Variants in PELI1 observed in about 807,000 individuals in gnomAD.
The protein encoded by PELI1 is pellino E3 ubiquitin protein ligase 1.
A neutral mutation model predicts 41.3 loss-of-function variants in PELI1; 15 were observed. The ratio of observed to expected loss-of-function variants is 0.36; its 90% CI spans 0.24 to 0.56. PELI1 has a LOEUF of 0.56. PELI1 is among the 20% of genes least tolerant of loss of function. PELI1 has a pLI of 0.82. For missense variants in PELI1, 403 were observed against 525.5 expected, an observed-to-expected ratio of 0.77 and a Z score of 2.28; for synonymous variants, 178 against 180.1, an observed-to-expected ratio of 0.99 and a Z score of 0.09.
At chr2:64,120,223 T>G (rs1001787322) in intron 1 of PELI1, among the ~76,000 whole-genome samples, 3 of 152,238 alleles carry the variant, frequency 2.0e-5, no homozygotes, top group Non-Finnish European at 4.4e-5. Context: ...TGTTCTCAGA[T>G]TATCCCACTT....
chr2:64,101,810 C>T (rs1680443037), intron 3 of PELI1, among the ~76,000 whole-genome samples: 1 of 149,856 alleles, frequency 6.7e-6, no homozygotes, highest in Admixed American at 6.8e-5. Context: ...TTAATACTGC[C>T]ACTTTTGCTT....
At chr2:64,110,009 C>T (rs892969121) in intron 1 of PELI1, among the ~76,000 whole-genome samples, 2 of 152,046 alleles carry the variant, frequency 1.3e-5, no homozygotes, top group African/African-American at 2.4e-5. Flanking sequence ...CTTTGGGAAG[C>T]GGAGGCGGGA....
At chr2:64,110,247 G>GAAAAAAAAAAA (rs796716135) in intron 1 of PELI1, among the ~76,000 whole-genome samples, 2 of 100,796 alleles carry the variant, frequency 2.0e-5, no homozygotes, top group Non-Finnish European at 4.2e-5. Context: ...TCCGTCTCAA[G>GAAAAAAAAAAA]AAAAAAAAAA....
chr2:64,110,135 T>G (rs1344189606), intron 1 of PELI1, among the ~76,000 whole-genome samples: 1 of 151,418 alleles, frequency 6.6e-6, no homozygotes, highest in Admixed American at 6.6e-5. Flanking sequence ...TCCTAGCTAC[T>G]TGGGAGGCTA....
chr2:64,117,752 CAA>C (rs1400954313), intron 1 of PELI1, among the ~76,000 whole-genome samples: 4 of 151,946 alleles, frequency 2.6e-5, no homozygotes, highest in African/African-American at 7.2e-5. Flanking sequence ...CTTTGGGTCA[CAA>C]AAAGTTTTCA....
intron 1 of PELI1, among the ~76,000 whole-genome samples, chr2:64,129,600 ATTTC>A (rs913341929): frequency 6.6e-6 from 1 of 152,062 alleles, no homozygotes; most frequent in Non-Finnish European, 1.5e-5. Flanking sequence ...GAGATATATT[ATTTC>A]TTTTTTTGTG....
Position 64,094,776 on chromosome 2 carries a change from AG to A in PELI1, c.1182del (p.Cys395ValfsTer23). ...LPHGTHTFHA[A>X]CPFCAHQLAG... ...GCCAACTGATGTGCACAAAAGGGAC[AG>A]GCTGCATGAAAAGTATGAGTACCAT... On this transcript the variant is annotated frameshift_variant, in exon 7 of 7. Coordinates refer to ENST00000358912, the MANE Select transcript of PELI1 (RefSeq NM_020651.4). LOFTEE classifies it high-confidence loss of function. The A allele has an allele frequency of 6.2e-7, 1 of 1,614,226 alleles. No individual in the cohort carries two copies. Among genetic ancestry groups the A allele is most frequent in the Non-Finnish European group, 8.5e-7 (1 of 1,180,026 alleles).
intron 1 of PELI1, among the ~76,000 whole-genome samples, chr2:64,138,726 T>A (rs1681800323): frequency 6.6e-6 from 1 of 152,012 alleles, no homozygotes; most frequent in Non-Finnish European, 1.5e-5. Context: ...GAACTCCATC[T>A]CAAAAACAAA....
At chr2:64,100,611 A>AT (rs1347054807) in intron 3 of PELI1, 112 bp from the exon 4 acceptor site, 3 of 701,062 alleles carry the variant, frequency 4.3e-6, no homozygotes, top group Non-Finnish European at 7.6e-6. Flanking sequence ...ATATTTATAC[A>AT]TTTTCCCCCT....
At chr2:64,117,776 TA>T (rs1218406429) in intron 1 of PELI1, among the ~76,000 whole-genome samples, 1 of 152,166 alleles carries the variant, frequency 6.6e-6, no homozygotes, top group African/African-American at 2.4e-5. Flanking sequence ...AAGTAGCATC[TA>T]ATCTTTCTTT....
rs1444395795 is a variant in PELI1 at position 64,108,247 on chromosome 2, C to T, written c.64G>A (p.Val22Ile). The change falls in exon 2 of 7, where the codon GTC becomes ATC. Residue 22 changes from valine to isoleucine, a missense_variant. Val to Ile is a conservative substitution (Grantham distance 29). Transcript: ENST00000358912. Reference protein sequence around the residue: ...KAPVKYGELIVLGYNGSLPNG... With the variant: ...KAPVKYGELIILGYNGSLPNG... Reference sequence around the variant, plus strand: ...CAAATGGAGAAACCTTACCCTAAGACAATGAGTTCACCATATTTTACTGGT... The same window carrying T: ...CAAATGGAGAAACCTTACCCTAAGATAATGAGTTCACCATATTTTACTGGT... 1.3e-6 allele frequency: 2 copies of T among 1,560,758 alleles called. No homozygotes were observed. Among genetic ancestry groups the T allele is most frequent in the East Asian group, 2.2e-5 (1 of 44,606 alleles).
At chr2:64,111,462 A>T (rs1680805500) in intron 1 of PELI1, among the ~76,000 whole-genome samples, 1 of 152,224 alleles carries the variant, frequency 6.6e-6, no homozygotes, top group African/African-American at 2.4e-5. Context: ...CTTCAGAAAT[A>T]TTTTAAGAAA....
At position 64,104,830 on chromosome 2, in the gene PELI1, C is replaced by T; in HGVS notation, c.72G>A (p.Gly24=). The part of the protein sequence containing the change: ...PVKYGELIVL[G]YNGSLPNGDR... The stretch of plus-strand genomic sequence containing the variant: ...CGCCATTTGGGAGAGACCCATTATA[C>T]CTGATGGGGGAAAAAAAGTATAGGT... Residue 24 remains glycine, a splice_region_variant and synonymous_variant, in exon 3 of 7, where the codon GGG becomes GGA. Coordinates refer to ENST00000358912, the MANE Select transcript of PELI1 (RefSeq NM_020651.4). The T allele has an allele frequency of 6.2e-7, 1 of 1,608,526 alleles. No individual in the cohort carries two copies. The highest frequency in any genetic ancestry group is 8.5e-7 in the Non-Finnish European group (1 of 1,177,766).
intron 1 of PELI1, among the ~76,000 whole-genome samples, chr2:64,129,309 A>T (rs149674529): frequency 6.6e-6 from 1 of 152,210 alleles, no homozygotes; most frequent in Admixed American, 6.5e-5. Flanking sequence ...TTAGACAGCA[A>T]TAAGTTGTGA....
At chr2:64,105,072 T>C (rs1680577027) in intron 2 of PELI1, among the ~76,000 whole-genome samples, 1 of 151,640 alleles carries the variant, frequency 6.6e-6, no homozygotes, top group African/African-American at 2.4e-5. Context: ...ATACACAGAT[T>C]CGTGTTATCT....
rs185809140 is a variant in PELI1, at chr2:64,135,671, T to C, written c.-70+8410A>G. Among the ~76,000 whole-genome samples the C allele has an allele frequency of 4.6e-3, 703 of 152,296 alleles. 4 individuals carry two copies. Among genetic ancestry groups the C allele is most frequent in the Non-Finnish European group, 3.5e-3 (237 of 67,994 alleles). ...AATGCACAAGCTGAGAAGAATAACCTTGAACCTGTTGCTGTAAAAATCTAC... is the reference window on the plus strand; with the variant it reads ...AATGCACAAGCTGAGAAGAATAACCCTGAACCTGTTGCTGTAAAAATCTAC... On this transcript the variant is annotated intron_variant, in intron 1 of 6. Transcript: ENST00000358912.
intron 1 of PELI1, among the ~76,000 whole-genome samples, chr2:64,116,076 T>C (rs1680980451): frequency 6.6e-6 from 1 of 152,146 alleles, no homozygotes; most frequent in African/African-American, 2.4e-5. Flanking sequence ...AAATTCCTGG[T>C]ACTACCAGGA....
intron 1 of PELI1, among the ~76,000 whole-genome samples, chr2:64,140,189 G>A (rs1681852864): frequency 6.6e-6 from 1 of 152,124 alleles, no homozygotes; most frequent in Non-Finnish European, 1.5e-5. Flanking sequence ...ATAAAAATTA[G>A]CAACAAATTT....
At chr2:64,102,760 T>C (rs1326774349) in intron 3 of PELI1, among the ~76,000 whole-genome samples, 1 of 152,108 alleles carries the variant, frequency 6.6e-6, no homozygotes, top group Non-Finnish European at 1.5e-5. Flanking sequence ...CCCAGATGAC[T>C]GCCAGACTAA....
Sources: gnomAD v4.1 joint callset for allele counts (sites outside exome capture counted in the v4.1 genomes callset) on GRCh38, gnomAD v4.1.1 for gene constraint, MANE v1.5 for transcripts, NCBI Gene and HGNC (gene_info 2026-07-23, HGNC 2026-07-21) for gene names.